Variants in GALM observed in about 807,000 individuals in gnomAD.
GALM encodes galactose mutarotase.
In GALM, 43 loss-of-function variants were observed where a neutral mutation model predicts 37.4. The observed-to-expected ratio is 1.15, with a 90% CI of 0.90 to 1.48. The LOEUF is 1.48. GALM is among the 40% of genes most tolerant of loss of function. The probability of loss-of-function intolerance (pLI) is 0.00; values close to 1 mark genes in which losing one functional copy is unlikely to be tolerated. For missense variants in GALM, 456 were observed against 419.1 expected (o/e 1.09, Z -0.77); for synonymous variants, 199 against 170.6 (o/e 1.17, Z -1.30).
chr2:38,706,204 G>A (rs1270641623), intron 4 of GALM, among the ~76,000 whole-genome samples: 7 of 151,426 alleles, frequency 4.6e-5, no homozygotes, highest in Admixed American at 2.0e-4. Context: ...GAGGTTTCAC[G>A]ATGTTGGCCA....
At chr2:38,703,570 T>C (rs1468262079) in intron 4 of GALM, among the ~76,000 whole-genome samples, 2 of 152,118 alleles carry the variant, frequency 1.3e-5, no homozygotes, top group African/African-American at 4.8e-5. Flanking sequence ...AGGATTATAT[T>C]CATTGAACTC....
chr2:38,691,536 T>C (rs1176651039), intron 4 of GALM, among the ~76,000 whole-genome samples: 1 of 148,556 alleles, frequency 6.7e-6, no homozygotes, highest in Admixed American at 6.7e-5. Flanking sequence ...AAAAAAAAAA[T>C]AGCCAGGTGT....
At chr2:38,727,775 C>A (rs1666516962) in intron 4 of GALM, among the ~76,000 whole-genome samples, 1 of 151,384 alleles carries the variant, frequency 6.6e-6, no homozygotes. Context: ...TCCTCTTTTA[C>A]TCAGATAGAT....
chr2:38,714,715 A>G (rs1016888467), intron 4 of GALM, among the ~76,000 whole-genome samples: 2 of 152,236 alleles, frequency 1.3e-5, no homozygotes, highest in Non-Finnish European at 2.9e-5. Context: ...TCAATATTTG[A>G]TTTCCAATTT....
At chr2:38,711,819 C>G in intron 4 of GALM, among the ~76,000 whole-genome samples, 1 of 1,244 alleles carries the variant, frequency 8.0e-4, no homozygotes, top group Non-Finnish European at 1.9e-3. Context: ...TCATCATCAT[C>G]ACTATCACCA....
rs1207382608 is a variant in GALM, at chr2:38,675,547, G to T, written c.191-365G>T. On this transcript the variant is annotated intron_variant, in intron 1 of 6. Coordinates refer to ENST00000272252, the MANE Select transcript of GALM (RefSeq NM_138801.3). ...TTTTGTTTTTTTTTTTTTTTTTTGTGTGTGTGTGTGTGTGTGTGTGTGTGT... is the reference window on the plus strand; with the variant it reads ...TTTTGTTTTTTTTTTTTTTTTTTGTTTGTGTGTGTGTGTGTGTGTGTGTGT... Among the ~76,000 whole-genome samples, 441 of 73,044 alleles carry T rather than the reference G, an allele frequency of 6.0e-3. 6 individuals are homozygous for T. The highest frequency in any genetic ancestry group is 0.019 in the African/African-American group (239 of 12,634). 47.9% of individuals were successfully genotyped at this position (73,044 alleles called of 152,430 possible).
chr2:38,690,399 A>G (rs145684520), intron 4 of GALM, among the ~76,000 whole-genome samples: 2 of 152,104 alleles, frequency 1.3e-5, no homozygotes, highest in East Asian at 3.9e-4. Flanking sequence ...CTCATCTTAC[A>G]CTAGGTAACA....
At chr2:38,726,836 T>C (rs1666495812) in intron 4 of GALM, among the ~76,000 whole-genome samples, 1 of 151,152 alleles carries the variant, frequency 6.6e-6, no homozygotes, top group South Asian at 2.1e-4. Context: ...GCCAAGGTTG[T>C]GGTGAGCCGA....
rs117446275 is a variant in GALM at position 38,723,380 on chromosome 2, C to A, written c.635-6176C>A. Among the ~76,000 whole-genome samples, 695 of 152,326 alleles carry A rather than the reference C, an allele frequency of 4.6e-3. 23 individuals are homozygous for A. In the East Asian group the frequency reaches 0.064, roughly 14 times the overall value. ...ATCGCTAAAATGACCTGCTGTGACTCTAACACTAGTTTCACCTGCTGCTGT... is the reference window on the plus strand; with the variant it reads ...ATCGCTAAAATGACCTGCTGTGACTATAACACTAGTTTCACCTGCTGCTGT... On this transcript the variant is annotated intron_variant, in intron 4 of 6. Transcript: ENST00000272252.
intron 4 of GALM, among the ~76,000 whole-genome samples, chr2:38,723,270 G>A (rs1666420431): frequency 6.6e-6 from 1 of 152,062 alleles, no homozygotes; most frequent in Non-Finnish European, 1.5e-5. Context: ...GAGCAGTTAG[G>A]GTACATAGCA....
At position 38,698,172 on chromosome 2, in the gene GALM, G is replaced by C. The variant is rs148518436; in HGVS notation, c.634+8278G>C. Among the ~76,000 whole-genome samples, 1,241 of 152,190 alleles carry C rather than the reference G, an allele frequency of 8.2e-3. 11 individuals are homozygous for C. The highest frequency in any genetic ancestry group is 0.028 in the African/African-American group (1,172 of 41,528). On this transcript the variant is annotated intron_variant, in intron 4 of 6. Transcript: ENST00000272252. ...TTGCCCAGGCTGGTCTCAAACTCCT[G>C]ACCTCAAGTGATCTGCTCACCTCAG...
intron 4 of GALM, among the ~76,000 whole-genome samples, chr2:38,727,545 G>T (rs1666509745): frequency 2.0e-5 from 3 of 151,934 alleles, no homozygotes; most frequent in Admixed American, 2.0e-4. Flanking sequence ...TGGCCAATAT[G>T]GTGAAACCCC....
chr2:38,698,699 G>A (rs1665859645), intron 4 of GALM, among the ~76,000 whole-genome samples: 1 of 152,110 alleles, frequency 6.6e-6, no homozygotes, highest in African/African-American at 2.4e-5. Flanking sequence ...AAAGGACAGG[G>A]GTGTAGATAA....
intron 4 of GALM, among the ~76,000 whole-genome samples, chr2:38,727,812 C>T (rs1666518127): frequency 6.6e-6 from 1 of 151,800 alleles, no homozygotes; most frequent in African/African-American, 2.4e-5. Context: ...CATTTAGGAA[C>T]CCACAAAAGC....
At chr2:38,708,474 G>A (rs1666085562) in intron 4 of GALM, among the ~76,000 whole-genome samples, 1 of 152,104 alleles carries the variant, frequency 6.6e-6, no homozygotes, top group African/African-American at 2.4e-5. Flanking sequence ...GGGCACAGTG[G>A]CTCAAGCCTG....
At chr2:38,733,220 CA>C (rs10555489) in intron 6 of GALM, among the ~76,000 whole-genome samples, 64,792 of 123,066 alleles carry the variant, frequency 0.53, 14,981 homozygotes, top group East Asian at 0.76. Context: ...GACTCCATCT[CA>C]AAAAAAAAAA....
At chr2:38,685,904 G>T (rs543087842) in intron 3 of GALM, among the ~76,000 whole-genome samples, 236 of 151,756 alleles carry the variant, frequency 1.6e-3, no homozygotes, top group African/African-American at 5.3e-3. Context: ...GTAGAGATGG[G>T]GTTTCACCAT....
At chr2:38,683,727 C>T (rs58757994) in intron 3 of GALM, among the ~76,000 whole-genome samples, 11,108 of 152,166 alleles carry the variant, frequency 0.073, 588 homozygotes, top group South Asian at 0.22. Context: ...CGACCACGCC[C>T]AGCTAATTTT....
rs377157091 is a variant in GALM, at chr2:38,704,342, G to C, written c.634+14448G>C. On this transcript the variant is annotated intron_variant, in intron 4 of 6. Coordinates refer to ENST00000272252, the MANE Select transcript of GALM (RefSeq NM_138801.3). The stretch of plus-strand genomic sequence containing the variant: ...GCCTCCTGCATAGCTAGGATCACAG[G>C]CATGCCCCCATCATGCTCAGCTAAT... Among the ~76,000 whole-genome samples, 19 of 152,086 alleles carry C rather than the reference G, an allele frequency of 1.2e-4. No homozygotes were observed. In the East Asian group the frequency reaches 3.3e-3, roughly 26 times the overall value.
Sources: allele counts gnomAD v4.1 joint callset (sites outside exome capture counted in the v4.1 genomes callset), GRCh38; gene constraint gnomAD v4.1.1; transcripts MANE v1.5; gene names NCBI Gene and HGNC (gene_info 2026-07-23, HGNC 2026-07-21).